Variants in DNAH5 observed in about 807,000 individuals in gnomAD.
DNAH5 encodes the protein dynein axonemal heavy chain 5.
A neutral mutation model predicts 518.2 loss-of-function variants in DNAH5; 372 were observed. The observed-to-expected ratio is 0.72, with a 90% CI of 0.66 to 0.78. The LOEUF is 0.78. Ranked by LOEUF, DNAH5 falls within the 30% of genes least tolerant of loss-of-function variation. The pLI, the probability that DNAH5 is intolerant of heterozygous loss-of-function variation, is 0.00. For synonymous variants in DNAH5, 2,039 were observed against 2,025.9 expected (o/e 1.01, Z -0.17); for missense variants, 5,523 against 5,687.0 (o/e 0.97, Z 0.93).
rs771438623 is a variant in DNAH5 at position 13,768,955 on chromosome 5, T to A, written c.9897+5A>T. 6.2e-7 allele frequency: 1 copy of A among 1,614,126 alleles called. No homozygotes were observed. Among genetic ancestry groups the A allele is most frequent in the South Asian group, 1.1e-5 (1 of 91,088 alleles). ...GCTGACATCTGTTATATCACATAGA[T>A]GCACCTGCAATGCAGCTTCTGCCTC... On this transcript the variant is annotated splice_donor_5th_base_variant and intron_variant, in intron 58 of 78. Transcript: ENST00000265104.
intron 1 of DNAH5, among the ~76,000 whole-genome samples, chr5:13,940,052 C>G (rs1450706332): frequency 6.6e-6 from 1 of 152,170 alleles, no homozygotes; most frequent in African/African-American, 2.4e-5. Context: ...CCTATTTACT[C>G]ACTCCCTTAC....
intron 33 of DNAH5, 63 bp downstream of exon 33, chr5:13,841,629 G>A (rs974705769): frequency 1.5e-6 from 2 of 1,294,802 alleles, no homozygotes; most frequent in Admixed American, 1.7e-5. Context: ...CTTACAATAG[G>A]TAATGTCTGA....
At chr5:13,955,879 CT>C in intron 1 of DNAH5, among the ~76,000 whole-genome samples, 1 of 152,170 alleles carries the variant, frequency 6.6e-6, no homozygotes, top group Non-Finnish European at 1.5e-5. Context: ...CAGTTCAAAA[CT>C]CTTATTTCAA....
intron 75 of DNAH5, among the ~76,000 whole-genome samples, chr5:13,711,617 C>G (rs568221617): frequency 6.6e-6 from 1 of 152,244 alleles, no homozygotes; most frequent in East Asian, 1.9e-4. Context: ...GCCTTGAAAA[C>G]CCTAAAGACT....
At chr5:13,808,278 A>G (rs1449587116) in intron 46 of DNAH5, among the ~76,000 whole-genome samples, 3 of 151,418 alleles carry the variant, frequency 2.0e-5, no homozygotes, top group Non-Finnish European at 4.4e-5. Flanking sequence ...AAGAAACACC[A>G]TGGGAAGAAC....
At chr5:13,902,183 T>C (rs769173565) in intron 12 of DNAH5, 45 bp from the exon 13 acceptor site, 1 of 1,402,698 alleles carries the variant, frequency 7.1e-7, no homozygotes, top group African/African-American at 1.4e-5. Flanking sequence ...AATTGGGAAT[T>C]TACTGTTTAG....
At chr5:13,914,189 C>T (rs1453509590) in intron 10 of DNAH5, among the ~76,000 whole-genome samples, 1 of 152,032 alleles carries the variant, frequency 6.6e-6, no homozygotes, top group Non-Finnish European at 1.5e-5. Flanking sequence ...GTGTGGCTTT[C>T]CCATCTTGGT....
rs372824793 is a variant in DNAH5, at chr5:13,780,998, T to C, written c.8821-39A>G. The stretch of plus-strand genomic sequence containing the variant: ...CAGAAAAAGTATGTATCTTTCAACA[T>C]GTAAATGTTCTATTTTTCCTATTTA... On this transcript the variant is annotated intron_variant, in intron 52 of 78. Coordinates refer to ENST00000265104, the MANE Select transcript of DNAH5 (RefSeq NM_001369.3). The C allele has an allele frequency of 2.5e-6, 4 of 1,607,634 alleles. No homozygotes were observed. In the Admixed American group the frequency reaches 5.0e-5, roughly 20 times the overall value.
At chr5:13,921,482 CACA>C (rs1561577439) in intron 5 of DNAH5, among the ~76,000 whole-genome samples, 4,339 of 134,376 alleles carry the variant, frequency 0.032, 167 homozygotes, top group African/African-American at 0.065. Context: ...CTCTCACACA[CACA>C]CACACACACA....
chr5:13,771,146 TC>T (rs1753288894), intron 55 of DNAH5, 166 bp from the exon 56 acceptor site: 1 of 613,100 alleles, frequency 1.6e-6, no homozygotes, highest in Non-Finnish European at 2.9e-6. Flanking sequence ...GCCTATAACA[TC>T]AACAATTTTA....
chr5:13,975,390 T>C (rs1782171073), intron 1 of DNAH5, among the ~76,000 whole-genome samples: 1 of 152,194 alleles, frequency 6.6e-6, no homozygotes, highest in Non-Finnish European at 1.5e-5. Context: ...TGAGATTTGC[T>C]TGGGGACACA....
At chr5:13,766,298 A>G in intron 58 of DNAH5, 119 bp from the exon 59 acceptor site, 2 of 1,037,388 alleles carry the variant, frequency 1.9e-6, no homozygotes, top group Non-Finnish European at 3.0e-6. Flanking sequence ...AGTTAGATGC[A>G]GGCCACAGGG....
At chr5:13,821,127 G>A (rs1762188927) in intron 40 of DNAH5, among the ~76,000 whole-genome samples, 2 of 152,156 alleles carry the variant, frequency 1.3e-5, no homozygotes, top group South Asian at 4.1e-4. Context: ...CTGGCTGAAT[G>A]TAATGAAGAT....
chr5:13,914,289 T>G (rs1019040925), intron 10 of DNAH5, among the ~76,000 whole-genome samples: 1 of 152,060 alleles, frequency 6.6e-6, no homozygotes, highest in Admixed American at 6.6e-5. Flanking sequence ...TTAGCTGTCT[T>G]TGTATCTCTA....
At chr5:13,919,076 TATA>T (rs1776964412) in intron 7 of DNAH5, 97 bp downstream of exon 7, 1 of 1,393,818 alleles carries the variant, frequency 7.2e-7, no homozygotes, top group Non-Finnish European at 1.0e-6. Context: ...TTCATCAAGG[TATA>T]ATAACATTTT....
chr5:13,959,193 C>T lies in DNAH5; in HGVS notation c.13-27949G>A, dbSNP rs149711568. 3.7e-3 allele frequency among the ~76,000 whole-genome samples: 564 copies of T among 152,332 alleles called. 3 individuals are homozygous for T. The highest frequency in any genetic ancestry group is 6.8e-3 in the Middle Eastern group (2 of 294). On this transcript the variant is annotated intron_variant, in intron 1 of 78. Coordinates refer to the DNAH5 transcript ENST00000681290. The stretch of plus-strand genomic sequence containing the variant: ...AACTCCTAACCTCCAGTGGTCAGCC[C>T]GCCTCAGCCTCCCAAAATGCTGGGA...
At chr5:13,892,555 A>G (rs1773405940) in intron 16 of DNAH5, among the ~76,000 whole-genome samples, 1 of 152,200 alleles carries the variant, frequency 6.6e-6, no homozygotes, top group African/African-American at 2.4e-5. Flanking sequence ...AGTTCCTTAA[A>G]TTACAAAAAG....
chr5:13,944,351 A>T (rs749911703), intron 1 of DNAH5, 31 bp downstream of exon 1: 1 of 1,609,768 alleles, frequency 6.2e-7, no homozygotes, highest in Non-Finnish European at 8.5e-7. Context: ...TCCAAAACAC[A>T]CATGCAAAGG....
chr5:13,919,377 G>A lies in DNAH5; in HGVS notation c.799-25C>T, dbSNP rs745533584. ...CCTGCAAATGCGCGGGGAAAAACAC[G>A]AGCCATTGCACGGGGCTGGAGACGC... On this transcript the variant is annotated intron_variant, in intron 6 of 78. Transcript: ENST00000265104. 21 of 1,612,130 alleles carry A rather than the reference G, an allele frequency of 1.3e-5. No individual in the cohort carries two copies. In the East Asian group the frequency reaches 1.8e-4, roughly 14 times the overall value.
Sources: gnomAD v4.1 joint callset for allele counts (sites outside exome capture counted in the v4.1 genomes callset) on GRCh38, gnomAD v4.1.1 for gene constraint, MANE v1.5 for transcripts, NCBI Gene and HGNC (gene_info 2026-07-23, HGNC 2026-07-21) for gene names.